Variants in FBXO31 observed in about 807,000 individuals in gnomAD.
The protein encoded by FBXO31 is F-box protein 31.
FBXO31 carries 24 observed loss-of-function variants against 54.4 expected under a neutral mutation model. The ratio of observed to expected loss-of-function variants is 0.44; its 90% CI spans 0.32 to 0.62. The LOEUF (loss-of-function observed/expected upper bound fraction) is 0.62, where lower values mean the gene tolerates loss of function less well. FBXO31 is among the 20% of genes least tolerant of loss of function. FBXO31 has a pLI of 0.05. For missense variants in FBXO31, 665 were observed against 787.1 expected, an observed-to-expected ratio of 0.84 and a Z score of 1.86; for synonymous variants, 388 against 335.6, an observed-to-expected ratio of 1.16 and a Z score of -1.71.
At chr16:87,382,466 G>C (rs1271579633) in intron 1 of FBXO31, among the ~76,000 whole-genome samples, 1 of 152,158 alleles carries the variant, frequency 6.6e-6, no homozygotes, top group Non-Finnish European at 1.5e-5. Context: ...CCTTTAAACA[G>C]AGAGAGCCTT....
In FBXO31 at chr16:87,357,662, T is replaced by C. The variant is rs534088715; in HGVS notation, c.412+2633A>G. On this transcript the variant is annotated intron_variant, in intron 2 of 8. Transcript: ENST00000311635. ...AATTAAGTTCTAAAGAGTCAACTGT[T>C]AGCCAGGCACGGTACCTCATGCCTG... is the stretch of plus-strand genomic sequence containing the variant. Among the ~76,000 whole-genome samples the C allele has an allele frequency of 1.6e-4, 24 of 152,186 alleles. 1 individual carries two copies. Among genetic ancestry groups the C allele is most frequent in the African/African-American group, 5.3e-4 (22 of 41,546 alleles).
chr16:87,389,798 C>T (rs1907458093), exon 1 of FBXO31: 1 of 152,134 alleles, frequency 6.6e-6, no homozygotes, highest in South Asian at 2.1e-4. Context: ...CTTCTGAACG[C>T]TGTCCTAGAT....
At chr16:87,342,807 G>T in intron 5 of FBXO31, 70 bp downstream of exon 5, 1 of 1,371,948 alleles carries the variant, frequency 7.3e-7, no homozygotes, top group Non-Finnish European at 1.0e-6. Flanking sequence ...TCCCGCATGG[G>T]TCTGTACTTT....
At chr16:87,343,568 G>C (rs921487983) in intron 4 of FBXO31, 30 bp downstream of exon 4, 2 of 1,568,262 alleles carry the variant, frequency 1.3e-6, no homozygotes, top group Non-Finnish European at 1.7e-6. Flanking sequence ...CCCTGGGACA[G>C]TGAGGACCCA....
In FBXO31 at chr16:87,346,151, GGA is replaced by G; in HGVS notation, c.489+1021_489+1022del. Among the ~76,000 whole-genome samples the G allele has an allele frequency of 6.6e-6, 1 of 152,342 alleles. No homozygotes were observed. Among genetic ancestry groups the G allele is most frequent in the African/African-American group, 2.4e-5 (1 of 41,592 alleles). ...CCTACAGAGGGTTGTGTCCTGGGAA[GGA>G]GAGAGACCCGGAATGAGAACGGGAC... On this transcript the variant is annotated intron_variant, in intron 3 of 8. Transcript: ENST00000311635. The surrounding 1 kb of genome is among the most constrained non-coding windows in gnomAD (Gnocchi z 4.2).
In FBXO31 at chr16:87,358,915, C is replaced by A. The variant is rs945232413; in HGVS notation, c.412+1380G>T. Reference sequence around the variant, plus strand: ...CATACTCACTTTGCCCAGCACCCACCTGGCGTTTCCCAGCCTGCTAACTCA... The same window carrying A: ...CATACTCACTTTGCCCAGCACCCACATGGCGTTTCCCAGCCTGCTAACTCA... On this transcript the variant is annotated intron_variant, in intron 2 of 8. Transcript: ENST00000311635. The surrounding 1 kb of genome is among the most constrained non-coding windows in gnomAD (Gnocchi z 4.0). Among the ~76,000 whole-genome samples, 1 of 152,194 alleles carries A rather than the reference C, an allele frequency of 6.6e-6. No homozygotes were observed. The highest frequency in any genetic ancestry group is 2.1e-4 in the South Asian group (1 of 4,830).
At position 87,376,431 on chromosome 16, in the gene FBXO31, G is replaced by A. The variant is rs192411421; in HGVS notation, c.340+6974C>T. On this transcript the variant is annotated intron_variant, in intron 1 of 8. Transcript: ENST00000311635. ...TGGGATTACAGGTGTGAGTCACCAC[G>A]TCCAGCTAATTTTTGTATTTTTAGT... Among the ~76,000 whole-genome samples, 314 of 152,024 alleles carry A rather than the reference G, an allele frequency of 2.1e-3. 1 individual carries two copies. Among genetic ancestry groups the A allele is most frequent in the African/African-American group, 7.2e-3 (297 of 41,470 alleles).
chr16:87,371,038 G>T (rs1297716565), intron 1 of FBXO31, among the ~76,000 whole-genome samples: 1 of 152,186 alleles, frequency 6.6e-6, no homozygotes, highest in South Asian at 2.1e-4. Context: ...CCACCAGCCT[G>T]ACTGCATGGA....
At chr16:87,354,257 G>A (rs1482067685) in intron 2 of FBXO31, among the ~76,000 whole-genome samples, 1 of 152,174 alleles carries the variant, frequency 6.6e-6, no homozygotes, top group African/African-American at 2.4e-5. Context: ...ATAATCGCTT[G>A]AGCCCAGGAG....
In FBXO31 at chr16:87,335,930, C is replaced by G. The variant is rs1019478189; in HGVS notation, c.842+225G>C. Among the ~76,000 whole-genome samples the G allele has an allele frequency of 6.6e-6, 1 of 152,092 alleles. No homozygotes were observed. The highest frequency in any genetic ancestry group is 2.4e-5 in the African/African-American group (1 of 41,414). ...ACAGGGAGGCCTGCACTCCCAGCAC[C>G]CACAGAGAGAGGGGCTGTGTTCCAA... On this transcript the variant is annotated intron_variant, in intron 6 of 8. Coordinates refer to ENST00000311635, the MANE Select transcript of FBXO31 (RefSeq NM_024735.5). The surrounding 1 kb of genome is among the most constrained non-coding windows in gnomAD (Gnocchi z 5.7).
chr16:87,376,268 T>C (rs1906819595), intron 1 of FBXO31, among the ~76,000 whole-genome samples: 1 of 151,988 alleles, frequency 6.6e-6, no homozygotes, highest in South Asian at 2.1e-4. Context: ...AATTTTCTTT[T>C]TTTCTTTCTT....
At chr16:87,381,204 G>T (rs528399567) in intron 1 of FBXO31, among the ~76,000 whole-genome samples, 3 of 152,046 alleles carry the variant, frequency 2.0e-5, no homozygotes, top group African/African-American at 7.2e-5. Flanking sequence ...CAAAAATCTT[G>T]TATTACTAAT....
At chr16:87,376,250 G>C (rs1057074869) in intron 1 of FBXO31, among the ~76,000 whole-genome samples, 1 of 151,852 alleles carries the variant, frequency 6.6e-6, no homozygotes, top group Non-Finnish European at 1.5e-5. Context: ...CTCTGTTGTG[G>C]GAAACTCAAT....
chr16:87,362,242 ATATTT>A (rs1906165263), intron 1 of FBXO31, among the ~76,000 whole-genome samples: 1 of 152,308 alleles, frequency 6.6e-6, no homozygotes, highest in South Asian at 2.1e-4. Context: ...ATTCATGGTA[ATATTT>A]TATTTAACTC....
chr16:87,343,684 G>A lies in FBXO31; in HGVS notation c.571C>T (p.Leu191=). ...CTCTCCATCAGGTGGATCCTGAACA[G>A]AGGCTTGAATCTCATAGGGTCATCG... The part of the protein sequence containing the change: ...HVDDPMRFKP[L]FRIHLMERKA... Residue 191 remains leucine, a synonymous_variant, in exon 4 of 9, where the codon CTG becomes TTG. Transcript: ENST00000311635. 6.2e-7 allele frequency: 1 copy of A among 1,614,284 alleles called. No homozygotes were observed. The highest frequency in any genetic ancestry group is 1.3e-5 in the African/African-American group (1 of 75,082).
intron 2 of FBXO31, among the ~76,000 whole-genome samples, chr16:87,349,831 C>G (rs920308769): frequency 1.3e-5 from 2 of 150,524 alleles, no homozygotes; most frequent in Non-Finnish European, 3.0e-5. Flanking sequence ...ACCACTTGAG[C>G]CCGGGAGGCG....
chr16:87,378,783 A>C (rs1413016012), intron 1 of FBXO31, among the ~76,000 whole-genome samples: 2 of 152,042 alleles, frequency 1.3e-5, no homozygotes, highest in Non-Finnish European at 2.9e-5. Flanking sequence ...AACACGGTGA[A>C]ACCCCGTCTC....
At chr16:87,375,867 T>C (rs933467789) in intron 1 of FBXO31, among the ~76,000 whole-genome samples, 2 of 152,080 alleles carry the variant, frequency 1.3e-5, no homozygotes, top group African/African-American at 4.8e-5. Flanking sequence ...AAAGAAACAC[T>C]ATTAGAAAAG....
At chr16:87,383,862 CCCGCCCCTACGTAGAGCT>C (rs1478377417), upstream of FBXO31, 3 of 754,810 alleles carry the variant, frequency 4.0e-6, no homozygotes, top group Admixed American at 1.0e-4. The surrounding 1 kb of genome is among the most constrained non-coding windows in gnomAD (Gnocchi z 4.9). Context: ...AGAGCCTAGC[CCCGCCCCTACGTAGAGCT>C]CCGCCCCGGC....
Sources: allele counts gnomAD v4.1 joint callset (sites outside exome capture counted in the v4.1 genomes callset), GRCh38; gene constraint gnomAD v4.1.1; non-coding constraint Gnocchi (gnomAD v3.1); transcripts MANE v1.5; gene names NCBI Gene and HGNC (gene_info 2026-07-23, HGNC 2026-07-21).